ACIN1: variants seen among roughly 807,000 people sequenced by gnomAD.
ACIN1 encodes the protein apoptotic chromatin condensation inducer in the nucleus.
In ACIN1, 16 loss-of-function variants were observed where a neutral mutation model predicts 146.6. The observed-to-expected ratio is 0.11, with a 90% CI of 0.07 to 0.17. The LOEUF is 0.17. Ranked by LOEUF, ACIN1 falls within the 10% of genes least tolerant of loss-of-function variation. The probability of loss-of-function intolerance (pLI) is 1.00; values close to 1 mark genes in which losing one functional copy is unlikely to be tolerated. For missense variants in ACIN1, 1,357 were observed against 1,609.3 expected (o/e 0.84, Z 2.68); for synonymous variants, 569 against 582.7 (o/e 0.98, Z 0.34).
In ACIN1 at chr14:23,068,022, G is replaced by T; in HGVS notation, c.2265+1454C>A. On this transcript the variant is annotated intron_variant, in intron 9 of 18. Coordinates refer to ENST00000605057, the MANE Select transcript of ACIN1 (RefSeq NM_001386863.1). The surrounding 1 kb of genome is among the most constrained non-coding windows in gnomAD (Gnocchi z 4.3). ...ATGAGTCCCTGCCTCCAGGGATGGA[G>T]GAGAAGTTGGAGCAACCAACATGCT... 1.0e-6 allele frequency: 1 copy of T among 985,874 alleles called. No homozygotes were observed. Among genetic ancestry groups the T allele is most frequent in the Non-Finnish European group, 1.2e-6 (1 of 829,940 alleles). 61.1% of individuals were successfully genotyped at this position (985,874 alleles called of 1,614,324 possible).
chr14:23,095,164 T>C (rs759007427), upstream of ACIN1: 1 of 1,614,134 alleles, frequency 6.2e-7, no homozygotes, highest in East Asian at 2.2e-5. Flanking sequence ...TCTTCGGTAA[T>C]TTCCGCCAAC....
chr14:23,090,616 G>A lies in ACIN1; in HGVS notation c.222C>T (p.Ser74=). The change falls in exon 3 of 19, where the codon AGC becomes AGT. Residue 74 remains serine (S), a synonymous_variant. Coordinates refer to ENST00000605057, the MANE Select transcript of ACIN1 (RefSeq NM_001386863.1). The part of the protein sequence containing the change: ...QPNSQIGEEM[S]QNSFIKQYLE... ...GATACTGTTTTATGAAACTGTTCTGGCTCATTTCCTCACCAATCTGTGTAG... is the reference window on the plus strand; with the variant it reads ...GATACTGTTTTATGAAACTGTTCTGACTCATTTCCTCACCAATCTGTGTAG... 6.2e-7 allele frequency: 1 copy of A among 1,613,796 alleles called. No individual in the cohort carries two copies. Among genetic ancestry groups the A allele is most frequent in the Admixed American group, 1.7e-5 (1 of 60,010 alleles).
At chr14:23,071,641 T>C (rs2047659037) in intron 8 of ACIN1, 10 of 1,303,610 alleles carry the variant, frequency 7.7e-6, no homozygotes, top group Non-Finnish European at 9.4e-6. Context: ...GGGAGGGAGC[T>C]GAGTGAGCAA....
At position 23,080,278 on chromosome 14, in the gene ACIN1, C is replaced by T. The variant is rs748002831; in HGVS notation, c.1057G>A (p.Glu353Lys). 13 of 1,614,038 alleles carry T rather than the reference C, an allele frequency of 8.1e-6. No homozygotes were observed. In the East Asian group the frequency reaches 8.9e-5, roughly 11 times the overall value. Residue 353 changes from glutamate to lysine, a missense_variant, in exon 6 of 19, where the codon GAG becomes AAG. Coordinates refer to ENST00000605057, the MANE Select transcript of ACIN1 (RefSeq NM_001386863.1). ...AGTAAAGGTGGAGGAGTCTCCTCCTCGCTGGCAGTTTGCTCTGGCAGCGCT... is the reference window on the plus strand; with the variant it reads ...AGTAAAGGTGGAGGAGTCTCCTCCTTGCTGGCAGTTTGCTCTGGCAGCGCT... ...LVALPEQTAS[E>K]EETPPPLLTK...
chr14:23,063,178 A>C, intron 13 of ACIN1, 104 bp from the exon 14 acceptor site: 2 of 1,322,978 alleles, frequency 1.5e-6, no homozygotes, highest in South Asian at 2.9e-5. Context: ...CCAAGCAGCC[A>C]CTCCTTAATC....
rs560710285 is a variant in ACIN1, at chr14:23,065,370, A to G, written c.2308+596T>C. ...TGGGAGGCCAAGGCAGGCGGATCAC[A>G]AGGTCAGGAGTTCAAGACCAGCCTG... is the stretch of plus-strand genomic sequence containing the variant. On this transcript the variant is annotated intron_variant, in intron 10 of 18. Coordinates refer to ENST00000605057, the MANE Select transcript of ACIN1 (RefSeq NM_001386863.1). Among the ~76,000 whole-genome samples, 7 of 152,258 alleles carry G rather than the reference A, an allele frequency of 4.6e-5. No homozygotes were observed. In the South Asian group the frequency reaches 1.4e-3, roughly 32 times the overall value.
intron 8 of ACIN1, chr14:23,071,725 C>T (rs1197222343): frequency 7.8e-6 from 5 of 644,008 alleles, no homozygotes; most frequent in Middle Eastern, 4.4e-4. Context: ...TCTCAAGTTA[C>T]AGCAGCTACA....
At position 23,079,691 on chromosome 14, in the gene ACIN1, C is replaced by A. The variant is rs369134837; in HGVS notation, c.1644G>T (p.Pro548=). The A allele has an allele frequency of 1.1e-5, 17 of 1,613,896 alleles. No individual in the cohort carries two copies. The Admixed American group carries it at 2.5e-4, about 24-fold the overall frequency. The change falls in exon 6 of 19, where the codon CCG becomes CCT. Residue 548 remains proline (P), a synonymous_variant. Transcript: ENST00000605057. The stretch of plus-strand genomic sequence containing the variant: ...CTACATCTCTCTGCTTGGATCTGAG[C>A]GGTGAATGAGACCGAGAACCTGAAC... ...PDSSGSRSHS[P]LRSKQRDVAQ...
intron 14 of ACIN1, 93 bp from the exon 15 acceptor site, chr14:23,062,616 T>C: frequency 7.9e-7 from 1 of 1,264,432 alleles, no homozygotes; most frequent in Non-Finnish European, 1.2e-6. Flanking sequence ...GGAGTATAGT[T>C]TCAAGGTTTG....
Position 23,059,319 on chromosome 14 carries a change from C to CCGACTGTGCTCCCGA in ACIN1, c.3666_3680dup (p.Arg1223_Arg1227dup). 1 of 1,602,670 alleles carries CCGACTGTGCTCCCGA rather than the reference C, an allele frequency of 6.2e-7. No homozygotes were observed. Among genetic ancestry groups the CCGACTGTGCTCCCGA allele is most frequent in the Non-Finnish European group, 8.6e-7 (1 of 1,169,488 alleles). On this transcript the variant is annotated inframe_insertion, in exon 19 of 19. Transcript: ENST00000605057. Reference sequence around the variant, plus strand: ...CTCTCTCTCTCTCCCTGTCCCTCTCCCGACTGTGCTCCCGACGTTTCTCTC... The same window carrying CCGACTGTGCTCCCGA: ...CTCTCTCTCTCTCCCTGTCCCTCTCCCGACTGTGCTCCCGACGACTGTGCTCCCGACGTTTCTCTC...
Position 23,064,228 on chromosome 14 carries a change from C to T in ACIN1, c.2472G>A (p.Ala824=). The T allele has an allele frequency of 6.2e-7, 1 of 1,614,114 alleles. No individual in the cohort carries two copies. Among genetic ancestry groups the T allele is most frequent in the Non-Finnish European group, 8.5e-7 (1 of 1,180,038 alleles). Residue 824 remains alanine (A), a synonymous_variant, in exon 12 of 19, where the codon GCG becomes GCA. Coordinates refer to ENST00000605057, the MANE Select transcript of ACIN1 (RefSeq NM_001386863.1). ...GAAGATCCACAACAGCCTCCTGCCCCGCCAGGGGTTTGATGTCGGGGATGA... is the reference window on the plus strand; with the variant it reads ...GAAGATCCACAACAGCCTCCTGCCCTGCCAGGGGTTTGATGTCGGGGATGA... ...KSLIPDIKPL[A]GQEAVVDLHA... is the part of the protein sequence containing the mutation.
At chr14:23,073,839 CTT>C (rs530712203) in intron 8 of ACIN1, among the ~76,000 whole-genome samples, 44 of 135,792 alleles carry the variant, frequency 3.2e-4, no homozygotes, top group African/African-American at 6.7e-4. Context: ...TTGAAAATTC[CTT>C]TTTTTTTTTT....
At position 23,062,290 on chromosome 14, in the gene ACIN1, GAGA is replaced by G. The variant is rs1353301308; in HGVS notation, c.2992-18_2992-16del. ...ACTGTTGAGTACTGGTGGAGGAAGG[GAGA>G]AGATGGAGGGTCACAGTGTGTCTGC... On this transcript the variant is annotated splice_polypyrimidine_tract_variant and intron_variant, in intron 15 of 18. Transcript: ENST00000605057. The G allele has an allele frequency of 6.2e-7, 1 of 1,610,458 alleles. No homozygotes were observed.
intron 9 of ACIN1, chr14:23,069,154 A>C (rs1344060061): frequency 9.6e-7 from 1 of 1,044,532 alleles, no homozygotes; most frequent in Non-Finnish European, 1.2e-6. Context: ...CCACCAGGAG[A>C]AGCTTGGGAA....
chr14:23,063,310 G>C, intron 13 of ACIN1, 126 bp downstream of exon 13: 1 of 1,310,350 alleles, frequency 7.6e-7, no homozygotes, highest in Non-Finnish European at 1.0e-6. Context: ...ATATGTAGGA[G>C]AAAGATATGA....
At chr14:23,081,888 T>C (rs761305482) in intron 4 of ACIN1, 52 bp from the exon 5 acceptor site, 10 of 1,459,810 alleles carry the variant, frequency 6.9e-6, no homozygotes, top group Admixed American at 3.9e-5. Context: ...GACTCATTCA[T>C]GGCTTTTTAA....
Position 23,059,349 on chromosome 14 carries a change from C to T in ACIN1, c.3651G>A (p.Leu1217=). ...TGTGCTCCCGACGTTTCTCTCGCTC[C>T]AGCTGTCGGTTCCGTTCCCGCTCGG... ...KEAERERNRQ[L]EREKRREHSR... The change falls in exon 19 of 19, where the codon CTG becomes CTA. Residue 1217 remains leucine, a synonymous_variant. Transcript: ENST00000605057. 1.1e-5 allele frequency: 18 copies of T among 1,610,192 alleles called. No homozygotes were observed. Among genetic ancestry groups the T allele is most frequent in the Non-Finnish European group, 1.4e-5 (17 of 1,176,436 alleles).
intron 18 of ACIN1, among the ~76,000 whole-genome samples, chr14:23,060,583 G>A (rs908632144): frequency 6.6e-6 from 1 of 151,472 alleles, no homozygotes; most frequent in Non-Finnish European, 1.5e-5. Flanking sequence ...CACGGTCTCT[G>A]CTCACTGCAA....
At chr14:23,061,971 C>CAAAAAAAAAAAAAAAAAAAA (rs57962360) in intron 16 of ACIN1, among the ~76,000 whole-genome samples, 197 bp downstream of exon 16, 37 of 59,126 alleles carry the variant, frequency 6.3e-4, no homozygotes, top group African/African-American at 2.5e-3. Flanking sequence ...GACTCTGTCT[C>CAAAAAAAAAAAAAAAAAAAA]AAAAAAAAAA....
Sources: gnomAD v4.1 joint callset for allele counts (sites outside exome capture counted in the v4.1 genomes callset) on GRCh38, gnomAD v4.1.1 for gene constraint, Gnocchi (gnomAD v3.1) non-coding constraint, MANE v1.5 for transcripts, NCBI Gene and HGNC (gene_info 2026-07-23, HGNC 2026-07-21) for gene names.